Variants in KDM6A observed in about 807,000 individuals in gnomAD.
KDM6A encodes the protein lysine demethylase 6A.
KDM6A carries 11 observed loss-of-function variants against 117.6 expected under a neutral mutation model. That is an observed-to-expected ratio of 0.09 (90% CI 0.06 to 0.15). The LOEUF (loss-of-function observed/expected upper bound fraction) is 0.15. Ranked by LOEUF, KDM6A falls within the 10% of genes least tolerant of loss-of-function variation. The pLI, the probability that KDM6A is intolerant of heterozygous loss-of-function variation, is 1.00. For missense variants in KDM6A, 799 were observed against 1,077.3 expected (o/e 0.74, Z 3.62); for synonymous variants, 384 against 396.1 (o/e 0.97, Z 0.36).
At chrX:44,921,643 T>A (rs1421067247) in intron 2 of KDM6A, among the ~76,000 whole-genome samples, 1 of 111,658 alleles carries the variant, frequency 9.0e-6, no homozygotes, top group Non-Finnish European at 1.9e-5. Context: ...ATATTAGTAG[T>A]CTGCTCTTAT....
rs190377851 is a variant in KDM6A at position 45,057,212 on chromosome X, T to G, written c.876-1794T>G. Reference sequence around the variant, plus strand: ...AACACCAGGACAACATCTCCTATTCTTTACTTAACATTTCCCATTTTAATG... The same window carrying G: ...AACACCAGGACAACATCTCCTATTCGTTACTTAACATTTCCCATTTTAATG... On this transcript the variant is annotated intron_variant, in intron 10 of 29. Coordinates refer to ENST00000611820, the MANE Select transcript of KDM6A (RefSeq NM_001291415.2). 6.3e-5 allele frequency among the ~76,000 whole-genome samples: 7 copies of G among 111,664 alleles called. No individual in the cohort carries two copies. In the Admixed American group the frequency reaches 6.7e-4, roughly 11 times the overall value.
At chrX:45,076,401 GT>G (rs1266209360) in intron 18 of KDM6A, among the ~76,000 whole-genome samples, 1 of 111,317 alleles carries the variant, frequency 9.0e-6, no homozygotes, top group African/African-American at 3.3e-5. Context: ...GTAAGCTCAT[GT>G]TTGTTGTTTA....
At chrX:44,971,925 A>G (rs1170214707) in intron 3 of KDM6A, among the ~76,000 whole-genome samples, 1 of 110,243 alleles carries the variant, frequency 9.1e-6, no homozygotes, top group Non-Finnish European at 1.9e-5. Flanking sequence ...AAGAGCTTAG[A>G]AAAGTAAAGA....
chrX:44,965,314 A>C (rs369328609), intron 3 of KDM6A, among the ~76,000 whole-genome samples: 2 of 111,803 alleles, frequency 1.8e-5, no homozygotes, highest in Non-Finnish European at 3.8e-5. Context: ...TAGCACTTCA[A>C]ATTTCCTCCA....
chrX:45,051,049 G>GC (rs2043820003), intron 8 of KDM6A, among the ~76,000 whole-genome samples: 2 of 111,336 alleles, frequency 1.8e-5, no homozygotes, highest in South Asian at 7.5e-4. Context: ...TTGCTCTGTT[G>GC]CCCAGGCTGG....
intron 4 of KDM6A, among the ~76,000 whole-genome samples, chrX:44,978,153 C>T: frequency 8.9e-6 from 1 of 112,194 alleles, no homozygotes; most frequent in Middle Eastern, 4.6e-3. Flanking sequence ...GAGAAATTCA[C>T]CCACATTTTC....
At chrX:45,086,254 GCATA>G (rs986897125) in intron 25 of KDM6A, 8 of 279,995 alleles carry the variant, frequency 2.9e-5, no homozygotes, top group Non-Finnish European at 5.1e-5. Context: ...TTAAAATGAT[GCATA>G]CTTATTCATT....
chrX:45,072,440 T>A (rs1246695844), intron 18 of KDM6A, among the ~76,000 whole-genome samples: 3 of 111,254 alleles, frequency 2.7e-5, no homozygotes, highest in Non-Finnish European at 5.7e-5. Context: ...ATTAGTTTTT[T>A]TTTTGAAGTT....
rs778913774 is a variant in KDM6A at position 44,886,107 on chromosome X, G to C, written c.225+12120G>C. Among the ~76,000 whole-genome samples the C allele has an allele frequency of 6.4e-5, 7 of 109,682 alleles. No individual in the cohort carries two copies. The South Asian group carries it at 2.8e-3, about 43-fold the overall frequency. Reference sequence around the variant, plus strand: ...GAGTCTTGCTCTGTTGCCCAGGGTGGAGTGCAGTGGTGCAATCTTGGCTCA... The same window carrying C: ...GAGTCTTGCTCTGTTGCCCAGGGTGCAGTGCAGTGGTGCAATCTTGGCTCA... On this transcript the variant is annotated intron_variant, in intron 2 of 29. Coordinates refer to ENST00000611820, the MANE Select transcript of KDM6A (RefSeq NM_001291415.2).
In KDM6A at chrX:44,973,611, T is replaced by TCTACAA. The variant is rs1172849751; in HGVS notation, c.335-1054_335-1053insTACAAC. Among the ~76,000 whole-genome samples, 584 of 111,418 alleles carry TCTACAA rather than the reference T, an allele frequency of 5.2e-3. 9 individuals carry two copies. The highest frequency in any genetic ancestry group is 0.016 in the African/African-American group (485 of 30,564). ...AATTACATATCTGTTGTAGGACCCTTCAAACTACCAAGTCATAGCCTTCTT... is the reference window on the plus strand; with the variant it reads ...AATTACATATCTGTTGTAGGACCCTTCTACAACAAACTACCAAGTCATAGCCTTCTT... On this transcript the variant is annotated intron_variant, in intron 3 of 29. Coordinates refer to ENST00000611820, the MANE Select transcript of KDM6A (RefSeq NM_001291415.2).
intron 8 of KDM6A, among the ~76,000 whole-genome samples, chrX:45,047,716 C>G: frequency 1.7e-5 from 1 of 59,986 alleles, no homozygotes; most frequent in South Asian, 1.4e-3. Context: ...CAGGATCTGG[C>G]TCTCTTGCCC....
At chrX:44,893,759 A>C (rs2033583519) in intron 2 of KDM6A, among the ~76,000 whole-genome samples, 1 of 110,359 alleles carries the variant, frequency 9.1e-6, no homozygotes, top group Admixed American at 9.7e-5. Flanking sequence ...TTTTGTCCTA[A>C]AGTTGTAGAT....
intron 6 of KDM6A, among the ~76,000 whole-genome samples, chrX:45,020,951 C>T (rs2042149545): frequency 9.0e-6 from 1 of 111,258 alleles, no homozygotes; most frequent in African/African-American, 3.3e-5. Context: ...TATACAATTA[C>T]ACTTTAAAAA....
Position 44,873,662 on chromosome X carries a change from G to A in KDM6A, c.111G>A (p.Ala37=), listed in dbSNP as rs1271271423. 8.4e-7 allele frequency: 1 copy of A among 1,188,078 alleles called. No homozygotes were observed. The highest frequency in any genetic ancestry group is 2.4e-5 in the Admixed American group (1 of 42,209). Residue 37 remains alanine, a synonymous_variant, in exon 1 of 30, where the codon GCG becomes GCA. Coordinates refer to ENST00000611820, the MANE Select transcript of KDM6A (RefSeq NM_001291415.2). ...AGKASGESEE[A]SPSLTAEERE... ...AAGCGAGCGGCGAGAGCGAGGAGGCGTCCCCCAGCCTGACAGCCGAGGAGA... is the reference window on the plus strand; with the variant it reads ...AAGCGAGCGGCGAGAGCGAGGAGGCATCCCCCAGCCTGACAGCCGAGGAGA...
chrX:45,032,311 A>G (rs1000043586), intron 6 of KDM6A, among the ~76,000 whole-genome samples: 5 of 111,244 alleles, frequency 4.5e-5, no homozygotes, highest in South Asian at 3.8e-4. Flanking sequence ...AGTCCTTTCT[A>G]CTGGTGTATA....
At chrX:45,005,023 G>C (rs868242938) in intron 4 of KDM6A, among the ~76,000 whole-genome samples, 4 of 109,621 alleles carry the variant, frequency 3.6e-5, no homozygotes, top group African/African-American at 1.0e-4. Flanking sequence ...AAAGCCAGTG[G>C]CCCCCCCCTC....
chrX:44,966,779 T>C (rs1161088178), intron 3 of KDM6A, among the ~76,000 whole-genome samples: 1 of 111,181 alleles, frequency 9.0e-6, no homozygotes, highest in Non-Finnish European at 1.9e-5. Context: ...GGTTTCTATT[T>C]CCTAGATGTG....
At chrX:45,064,575 A>G (rs1341328416) in intron 17 of KDM6A, among the ~76,000 whole-genome samples, 1 of 112,253 alleles carries the variant, frequency 8.9e-6, no homozygotes, top group Non-Finnish European at 1.9e-5. Flanking sequence ...TGTGCATAGT[A>G]TTTCCCATAT....
At chrX:44,922,977 CTTT>C (rs759649517) in intron 2 of KDM6A, among the ~76,000 whole-genome samples, 19 of 111,414 alleles carry the variant, frequency 1.7e-4, no homozygotes, top group African/African-American at 3.6e-4. Context: ...TAATTTTCTT[CTTT>C]ATTTAAAAAA....
Sources: gnomAD v4.1 joint callset for allele counts (sites outside exome capture counted in the v4.1 genomes callset) on GRCh38, gnomAD v4.1.1 for gene constraint, MANE v1.5 for transcripts, NCBI Gene and HGNC (gene_info 2026-07-23, HGNC 2026-07-21) for gene names.